Variants in NUDT5 observed in about 807,000 individuals in gnomAD.
The protein encoded by NUDT5 is nudix hydrolase 5.
In NUDT5, 21 loss-of-function variants were observed where a neutral mutation model predicts 34.1. The ratio of observed to expected loss-of-function variants is 0.62; its 90% CI spans 0.44 to 0.89. The LOEUF (loss-of-function observed/expected upper bound fraction) is 0.89. Ranked by LOEUF, NUDT5 falls within the 40% of genes least tolerant of loss-of-function variation. NUDT5 has a pLI of 0.00. For synonymous variants in NUDT5, 85 were observed against 97.6 expected (o/e 0.87, Z 0.76); for missense variants, 249 against 274.8 (o/e 0.91, Z 0.66).
intron 5 of NUDT5, among the ~76,000 whole-genome samples, chr10:12,176,648 G>A (rs1171257519): frequency 6.6e-6 from 1 of 152,066 alleles, no homozygotes; most frequent in African/African-American, 2.4e-5. Flanking sequence ...AAATAGATGA[G>A]ATTTAATCTC....
rs1167902632 is a variant in NUDT5 at position 12,168,027 on chromosome 10, A to T, written c.551-216T>A. ...TGAGACAAGAACATCAGGGATAATG[A>T]TTTTTTTTTTTTTTGGTGAGACAGT... is the stretch of plus-strand genomic sequence containing the variant. On this transcript the variant is annotated intron_variant, in intron 9 of 9. Transcript: ENST00000491614. This position sits in a 1 kb window ranked among gnomAD's most constrained non-coding sequence, Gnocchi z 4.8. The T allele has an allele frequency of 8.1e-6, 5 of 615,702 alleles. No homozygotes were observed. The highest frequency in any genetic ancestry group is 1.1e-5 in the Non-Finnish European group (5 of 442,008). 38.1% of individuals were successfully genotyped at this position (615,702 alleles called of 1,614,324 possible). A position where few individuals can be genotyped will look rare whatever the true frequency, so the allele number is the denominator to read the frequency against.
chr10:12,169,574 G>C lies in NUDT5; in HGVS notation c.550+1143C>G. 1 of 411,630 alleles carries C rather than the reference G, an allele frequency of 2.4e-6. No individual in the cohort carries two copies. The highest frequency in any genetic ancestry group is 4.3e-6 in the Non-Finnish European group (1 of 230,860). 25.5% of individuals were successfully genotyped at this position (411,630 alleles called of 1,614,324 possible). A position where few individuals can be genotyped will look rare whatever the true frequency, so the allele number is the denominator to read the frequency against. On this transcript the variant is annotated intron_variant, in intron 9 of 9. Transcript: ENST00000491614. The surrounding 1 kb of genome is among the most constrained non-coding windows in gnomAD (Gnocchi z 4.8). ...CCAAATACGCACCAGATAAACTATT[G>C]TATCTATTCAGTATGATTGTTCTAA... is the stretch of plus-strand genomic sequence containing the variant.
At chr10:12,195,605 C>T (rs1835324011) in intron 1 of NUDT5, among the ~76,000 whole-genome samples, 165 bp downstream of exon 1, 1 of 152,236 alleles carries the variant, frequency 6.6e-6, no homozygotes, top group Admixed American at 6.5e-5. Flanking sequence ...TCCACAATTT[C>T]CCTCCAATCC....
chr10:12,178,332 G>A (rs1834989084), intron 4 of NUDT5, among the ~76,000 whole-genome samples: 1 of 150,702 alleles, frequency 6.6e-6, no homozygotes, highest in Non-Finnish European at 1.5e-5. Flanking sequence ...ATGCTAGCAA[G>A]ACTGATTTTC....
Position 12,171,007 on chromosome 10 carries a change from C to CAG in NUDT5, c.488-101_488-100dup. Reference sequence around the variant, plus strand: ...CGTCAAAAAGGCTTTGAGAATTTCACAGAAGCCTGGGTTTCTGCTAACTTA... The same window carrying CAG: ...CGTCAAAAAGGCTTTGAGAATTTCACAGAGAAGCCTGGGTTTCTGCTAACTTA... On this transcript the variant is annotated intron_variant, in intron 7 of 9. Coordinates refer to ENST00000491614, the MANE Select transcript of NUDT5 (RefSeq NM_014142.4). This position sits in a 1 kb window ranked among gnomAD's most constrained non-coding sequence, Gnocchi z 4.2. 7.7e-7 allele frequency: 1 copy of CAG among 1,293,572 alleles called. No individual in the cohort carries two copies. Among genetic ancestry groups the CAG allele is most frequent in the Non-Finnish European group, 1.1e-6 (1 of 919,476 alleles). 80.1% of individuals were successfully genotyped at this position (1,293,572 alleles called of 1,614,324 possible). A position where few individuals can be genotyped will look rare whatever the true frequency, so the allele number is the denominator to read the frequency against.
chr10:12,185,382 T>A (rs1002531543), intron 2 of NUDT5, among the ~76,000 whole-genome samples: 1 of 152,242 alleles, frequency 6.6e-6, no homozygotes, highest in Admixed American at 6.5e-5. Context: ...GTATTTTTCC[T>A]GTCAGTGATG....
chr10:12,186,857 CA>C lies in NUDT5; in HGVS notation c.-41-526del, dbSNP rs562776328. Among the ~76,000 whole-genome samples the C allele has an allele frequency of 9.9e-5, 15 of 152,156 alleles. No homozygotes were observed. The South Asian group carries it at 3.1e-3, about 32-fold the overall frequency. ...GGCCATGCTGCTCTCAACCTCCTGA[CA>C]TCAAGTGATCTGCCCTCCTTGGCCT... is the stretch of plus-strand genomic sequence containing the variant. On this transcript the variant is annotated intron_variant, in intron 1 of 9. Coordinates refer to ENST00000491614, the MANE Select transcript of NUDT5 (RefSeq NM_014142.4).
chr10:12,194,134 C>T (rs1003618195), intron 1 of NUDT5, among the ~76,000 whole-genome samples: 1 of 152,268 alleles, frequency 6.6e-6, no homozygotes, highest in Non-Finnish European at 1.5e-5. Flanking sequence ...CTCGGCCTCC[C>T]AGAGTGCTGG....
intron 1 of NUDT5, among the ~76,000 whole-genome samples, chr10:12,193,223 A>G (rs1835265882): frequency 6.6e-6 from 1 of 152,164 alleles, no homozygotes; most frequent in Non-Finnish European, 1.5e-5. Flanking sequence ...TTTAATTTCC[A>G]CGAAGACAGT....
Position 12,171,052 on chromosome 10 carries a change from C to T in NUDT5, c.488-144G>A, listed in dbSNP as rs1834842405. ...AACTTAATTTATATACATTGTCAAA[C>T]TCGAGCAGTATGAAGTTATTGTTCT... is the stretch of plus-strand genomic sequence containing the variant. On this transcript the variant is annotated intron_variant, in intron 7 of 9. Transcript: ENST00000491614. This position sits in a 1 kb window ranked among gnomAD's most constrained non-coding sequence, Gnocchi z 4.2. 1 of 834,490 alleles carries T rather than the reference C, an allele frequency of 1.2e-6. No individual in the cohort carries two copies. Among genetic ancestry groups the T allele is most frequent in the Admixed American group, 2.6e-5 (1 of 38,860 alleles). 51.7% of individuals were successfully genotyped at this position (834,490 alleles called of 1,614,324 possible).
rs115635465 is a variant in NUDT5 at position 12,175,920 on chromosome 10, G to A, written c.289+1873C>T. 1.5e-3 allele frequency among the ~76,000 whole-genome samples: 223 copies of A among 152,082 alleles called. 2 individuals carry two copies. Among genetic ancestry groups the A allele is most frequent in the African/African-American group, 5.1e-3 (211 of 41,500 alleles). On this transcript the variant is annotated intron_variant, in intron 5 of 9. Transcript: ENST00000491614. This position sits in a 1 kb window ranked among gnomAD's most constrained non-coding sequence, Gnocchi z 4.8. ...AAAAGTGAGAGAAGAATTTATTCACGTTAATATTAAAAGTAATTAAATAGC... is the reference window on the plus strand; with the variant it reads ...AAAAGTGAGAGAAGAATTTATTCACATTAATATTAAAAGTAATTAAATAGC...
At position 12,167,347 on chromosome 10, in the gene NUDT5, G is replaced by A. The variant is rs145134005; in HGVS notation, c.*355C>T. 841 of 184,442 alleles carry A rather than the reference G, an allele frequency of 4.6e-3. 13 individuals carry two copies. The highest frequency in any genetic ancestry group is 0.019 in the African/African-American group (791 of 41,970). The allele number at this position is 184,442 out of a possible 1,614,324, so 11.4% of individuals were successfully genotyped here. On this transcript the variant is annotated 3_prime_UTR_variant, in exon 10 of 10. Coordinates refer to ENST00000491614, the MANE Select transcript of NUDT5 (RefSeq NM_014142.4). ...GAATTTTATATTGGGGGTTGAGAGTGGAAATGACCTAATTGAGAACTCAGG... is the reference window on the plus strand; with the variant it reads ...GAATTTTATATTGGGGGTTGAGAGTAGAAATGACCTAATTGAGAACTCAGG...
chr10:12,179,623 C>T (rs977334873), intron 3 of NUDT5, among the ~76,000 whole-genome samples: 13 of 150,118 alleles, frequency 8.7e-5, no homozygotes, highest in African/African-American at 3.2e-4. Context: ...AAGGTAGAAC[C>T]TTCCCATTTA....
intron 3 of NUDT5, chr10:12,184,372 G>T: frequency 1.3e-6 from 1 of 749,378 alleles, no homozygotes; most frequent in Non-Finnish European, 2.0e-6. Context: ...TTAACACTTT[G>T]TTAAAACTGG....
At position 12,173,246 on chromosome 10, in the gene NUDT5, C is replaced by T. The variant is rs1834890222; in HGVS notation, c.386-380G>A. ...TTTTGAGACAGAGTTTCACTTTGCT[C>T]TTATTGCCCAGGATGGAGTGCACTG... On this transcript the variant is annotated intron_variant, in intron 6 of 9. Transcript: ENST00000491614. The surrounding 1 kb of genome is among the most constrained non-coding windows in gnomAD (Gnocchi z 4.7). Among the ~76,000 whole-genome samples, 1 of 152,186 alleles carries T rather than the reference C, an allele frequency of 6.6e-6. No individual in the cohort carries two copies. The highest frequency in any genetic ancestry group is 2.1e-4 in the South Asian group (1 of 4,836).
rs899894018 is a variant in NUDT5, at chr10:12,175,338, A to G, written c.290-1525T>C. 1.3e-5 allele frequency among the ~76,000 whole-genome samples: 2 copies of G among 151,120 alleles called. No individual in the cohort carries two copies. Among genetic ancestry groups the G allele is most frequent in the East Asian group, 3.9e-4 (2 of 5,102 alleles). On this transcript the variant is annotated intron_variant, in intron 5 of 9. Coordinates refer to ENST00000491614, the MANE Select transcript of NUDT5 (RefSeq NM_014142.4). This position sits in a 1 kb window ranked among gnomAD's most constrained non-coding sequence, Gnocchi z 4.8. ...TGCATCTCAAAAAATAAATAAATAA[A>G]ATAAAATAAAATAATGAAAAACTCA...
chr10:12,171,691 ATTTATTT>A lies in NUDT5; in HGVS notation c.488-790_488-784del, dbSNP rs1834857947. Among the ~76,000 whole-genome samples the A allele has an allele frequency of 2.2e-5, 1 of 45,854 alleles. No individual in the cohort carries two copies. Among genetic ancestry groups the A allele is most frequent in the Non-Finnish European group, 6.1e-5 (1 of 16,462 alleles). 30.1% of individuals were successfully genotyped at this position (45,854 alleles called of 152,430 possible). A position where few individuals can be genotyped will look rare whatever the true frequency, so the allele number is the denominator to read the frequency against. On this transcript the variant is annotated intron_variant, in intron 7 of 9. Coordinates refer to ENST00000491614, the MANE Select transcript of NUDT5 (RefSeq NM_014142.4). The surrounding 1 kb of genome is among the most constrained non-coding windows in gnomAD (Gnocchi z 4.2). ...CAGTTCAAAAATTAAGATTTATTTT[ATTTATTT>A]ATTTATTTATTTATTTATTTATTTA...
intron 5 of NUDT5, 23 bp downstream of exon 5, chr10:12,177,770 C>T: frequency 1.3e-6 from 2 of 1,543,148 alleles, no homozygotes; most frequent in Non-Finnish European, 1.8e-6. Context: ...CCCTAAGAAG[C>T]AATTCGATGT....
chr10:12,178,218 T>C (rs1216558159), intron 4 of NUDT5, among the ~76,000 whole-genome samples: 1 of 152,188 alleles, frequency 6.6e-6, no homozygotes, highest in Non-Finnish European at 1.5e-5. Flanking sequence ...ACAGAACCAC[T>C]TTCCAGCGTG....
Sources: gnomAD v4.1 joint callset for allele counts (sites outside exome capture counted in the v4.1 genomes callset) on GRCh38, gnomAD v4.1.1 for gene constraint, Gnocchi (gnomAD v3.1) non-coding constraint, MANE v1.5 for transcripts, NCBI Gene and HGNC (gene_info 2026-07-23, HGNC 2026-07-21) for gene names.